Variants in ST8SIA6 observed in about 807,000 individuals in gnomAD.
ST8SIA6 encodes the protein ST8 alpha-N-acetyl-neuraminide alpha-2,8-sialyltransferase 6, also known as alpha-2,8-sialyltransferase 8F.
A neutral mutation model predicts 33.6 loss-of-function variants in ST8SIA6; 39 were observed. That is an observed-to-expected ratio of 1.16 (90% confidence interval 0.90 to 1.52). ST8SIA6 has a LOEUF of 1.52. ST8SIA6 is among the 40% of genes most tolerant of loss of function. The pLI, the probability that ST8SIA6 is intolerant of heterozygous loss-of-function variation, is 0.00. For missense variants in ST8SIA6, 441 were observed against 443.8 expected, an observed-to-expected ratio of 0.99 and a Z score of 0.06; for synonymous variants, 172 against 167.2, an observed-to-expected ratio of 1.03 and a Z score of -0.22.
intron 4 of ST8SIA6, among the ~76,000 whole-genome samples, chr10:17,353,935 G>A (rs1849110869): frequency 6.6e-6 from 1 of 152,174 alleles, no homozygotes; most frequent in Non-Finnish European, 1.5e-5. Flanking sequence ...TTTCGGGGTT[G>A]GGGGCGGGAA....
chr10:17,405,082 A>C (rs1851205468), intron 2 of ST8SIA6, among the ~76,000 whole-genome samples: 5 of 152,222 alleles, frequency 3.3e-5, no homozygotes, highest in Admixed American at 3.3e-4. Context: ...TATTCTGTGG[A>C]TTCTCCTTTG....
chr10:17,445,307 G>A (rs1369780942), intron 2 of ST8SIA6, among the ~76,000 whole-genome samples: 4 of 152,056 alleles, frequency 2.6e-5, no homozygotes, highest in East Asian at 3.9e-4. Flanking sequence ...ACATTCTTAC[G>A]AACAGACACA....
At chr10:17,441,304 CTTTATTTA>C (rs34815790) in intron 2 of ST8SIA6, among the ~76,000 whole-genome samples, 4 of 148,224 alleles carry the variant, frequency 2.7e-5, no homozygotes, top group Admixed American at 6.7e-5. Context: ...TCTAAATTAT[CTTTATTTA>C]TTTATTTATT....
In ST8SIA6 at chr10:17,323,227, G is replaced by A. The variant is rs561269795; in HGVS notation, c.636-70C>T. ...AAAAAGATTGTATACACACATATGC[G>A]CGCACACACACACACACACACACCT... On this transcript the variant is annotated intron_variant, in intron 6 of 7. Transcript: ENST00000377602. 6.6e-4 allele frequency: 532 copies of A among 806,858 alleles called. 7 individuals carry two copies. Among genetic ancestry groups the A allele is most frequent in the South Asian group, 4.4e-3 (285 of 65,058 alleles). The allele number at this position is 806,858 out of a possible 1,614,324, so 50.0% of individuals were successfully genotyped here.
chr10:17,448,220 C>A (rs989417023), intron 2 of ST8SIA6, among the ~76,000 whole-genome samples: 7 of 152,140 alleles, frequency 4.6e-5, no homozygotes, highest in African/African-American at 1.7e-4. Flanking sequence ...GCAGGCGAAC[C>A]TCTATAGGAA....
intron 2 of ST8SIA6, among the ~76,000 whole-genome samples, chr10:17,428,225 A>G (rs1333620447): frequency 6.6e-6 from 1 of 152,186 alleles, no homozygotes; most frequent in African/African-American, 2.4e-5. Context: ...ATATGTGCCA[A>G]GCACCCAGCT....
chr10:17,440,354 C>T (rs976553610), intron 2 of ST8SIA6, among the ~76,000 whole-genome samples: 10 of 151,928 alleles, frequency 6.6e-5, no homozygotes, highest in Non-Finnish European at 1.3e-4. Flanking sequence ...TACAGGCGCC[C>T]GCCACCATAC....
intron 2 of ST8SIA6, among the ~76,000 whole-genome samples, chr10:17,393,085 T>G (rs1015182662): frequency 6.6e-6 from 1 of 152,154 alleles, no homozygotes; most frequent in African/African-American, 2.4e-5. Context: ...AAGGGTGAGT[T>G]CACTCTCTCT....
At chr10:17,334,790 G>A (rs12268939) in intron 4 of ST8SIA6, among the ~76,000 whole-genome samples, 50,915 of 151,862 alleles carry the variant, frequency 0.34, 9,912 homozygotes, top group African/African-American at 0.53. Flanking sequence ...CATTATTATT[G>A]GAATGTAGAC....
At chr10:17,326,551 GC>G (rs1342478033) in intron 6 of ST8SIA6, among the ~76,000 whole-genome samples, 2 of 152,166 alleles carry the variant, frequency 1.3e-5, no homozygotes, top group African/African-American at 4.8e-5. Flanking sequence ...GATACAGTTT[GC>G]AGGGCTGAAA....
intron 2 of ST8SIA6, among the ~76,000 whole-genome samples, chr10:17,426,293 TG>T (rs1457865404): frequency 6.6e-6 from 1 of 152,162 alleles, no homozygotes; most frequent in Non-Finnish European, 1.5e-5. Flanking sequence ...CCCATAATCC[TG>T]GGGTGAGAAT....
At chr10:17,363,517 C>T (rs1443676876) in intron 3 of ST8SIA6, among the ~76,000 whole-genome samples, 2 of 152,166 alleles carry the variant, frequency 1.3e-5, no homozygotes, top group Admixed American at 6.5e-5. Context: ...TTGGCTGACT[C>T]GTGGACTTGA....
chr10:17,431,578 C>G (rs907188053), intron 2 of ST8SIA6, among the ~76,000 whole-genome samples: 3 of 151,986 alleles, frequency 2.0e-5, no homozygotes, highest in African/African-American at 7.2e-5. Context: ...GCTGGAAAAA[C>G]AAGGAAAGAA....
chr10:17,382,330 A>G (rs974058530), intron 3 of ST8SIA6, among the ~76,000 whole-genome samples: 1 of 152,040 alleles, frequency 6.6e-6, no homozygotes, highest in African/African-American at 2.4e-5. Context: ...CATTGGTACA[A>G]TTTTGGCTCA....
intron 2 of ST8SIA6, among the ~76,000 whole-genome samples, chr10:17,408,793 T>C (rs893076678): frequency 1.3e-5 from 2 of 152,116 alleles, no homozygotes; most frequent in Non-Finnish European, 2.9e-5. Context: ...TTCGCTCTTG[T>C]TACACAGGCT....
chr10:17,446,809 T>C (rs1241624029), intron 2 of ST8SIA6, among the ~76,000 whole-genome samples: 2 of 151,400 alleles, frequency 1.3e-5, no homozygotes, highest in African/African-American at 4.9e-5. Context: ...ATGCCTGTAA[T>C]CCTAACACTT....
At chr10:17,417,898 A>T (rs184056888) in intron 2 of ST8SIA6, among the ~76,000 whole-genome samples, 1 of 152,218 alleles carries the variant, frequency 6.6e-6, no homozygotes, top group Non-Finnish European at 1.5e-5. Context: ...CAAAAATAAT[A>T]AAGTACAGAG....
chr10:17,419,624 G>A (rs1054878176), intron 2 of ST8SIA6, among the ~76,000 whole-genome samples: 2 of 152,180 alleles, frequency 1.3e-5, no homozygotes, highest in African/African-American at 4.8e-5. Flanking sequence ...TTTCCAATAT[G>A]AAGATCATTG....
At chr10:17,322,843 A>G (rs1214639258) in intron 7 of ST8SIA6, among the ~76,000 whole-genome samples, 1 of 152,194 alleles carries the variant, frequency 6.6e-6, no homozygotes, top group Non-Finnish European at 1.5e-5. Context: ...TTCTCATTTG[A>G]TTAGCTTATG....
Sources: allele counts gnomAD v4.1 joint callset (sites outside exome capture counted in the v4.1 genomes callset), GRCh38; gene constraint gnomAD v4.1.1; transcripts MANE v1.5; gene names NCBI Gene and HGNC (gene_info 2026-07-23, HGNC 2026-07-21).